Variants in KLHL29 observed in about 807,000 individuals in gnomAD.
The protein encoded by KLHL29 is kelch-like protein 29.
In KLHL29, 21 loss-of-function variants were observed where a neutral mutation model predicts 80.4. The observed-to-expected ratio is 0.26, with a 90% confidence interval of 0.19 to 0.38. The LOEUF (loss-of-function observed/expected upper bound fraction) is 0.38, where lower values mean the gene tolerates loss of function less well. KLHL29 is among the 10% of genes least tolerant of loss of function. KLHL29 has a pLI of 1.00. For missense variants in KLHL29, 867 were observed against 1,223.9 expected (o/e 0.71, Z 4.35); for synonymous variants, 511 against 526.8 (o/e 0.97, Z 0.41).
intron 1 of KLHL29, among the ~76,000 whole-genome samples, chr2:23,455,046 A>G (rs556823951): frequency 1.1e-4 from 17 of 152,200 alleles, no homozygotes; most frequent in Admixed American, 3.3e-4. Flanking sequence ...CCTCTGTGCA[A>G]TCAGTTTGTC....
intron 1 of KLHL29, among the ~76,000 whole-genome samples, chr2:23,412,627 A>G (rs1416138787): frequency 1.3e-5 from 2 of 152,196 alleles, no homozygotes; most frequent in Admixed American, 6.5e-5. Flanking sequence ...TGTGAGAACC[A>G]GAGGGAGTGG....
rs80325199 is a variant in KLHL29 at position 23,409,047 on chromosome 2, G to A, written c.-154+23267G>A. 2.9e-3 allele frequency among the ~76,000 whole-genome samples: 435 copies of A among 152,208 alleles called. 5 individuals are homozygous for A. Among genetic ancestry groups the A allele is most frequent in the Non-Finnish European group, 4.6e-3 (311 of 67,996 alleles). On this transcript the variant is annotated intron_variant, in intron 1 of 13. Coordinates refer to ENST00000486442, the MANE Select transcript of KLHL29 (RefSeq NM_052920.2). ...ATTTGGGAGCTAGTTCTGGACACAC[G>A]TTCCCAGACTGATTGGGTAGAGCCT...
chr2:23,520,351 G>A (rs1416897156), intron 2 of KLHL29, among the ~76,000 whole-genome samples: 1 of 152,168 alleles, frequency 6.6e-6, no homozygotes, highest in Non-Finnish European at 1.5e-5. Context: ...TGCACCCAGG[G>A]AGGGCTGGAG....
chr2:23,592,308 GC>G (rs35236653), intron 3 of KLHL29, among the ~76,000 whole-genome samples: 11,436 of 152,296 alleles, frequency 0.075, 611 homozygotes, highest in Non-Finnish European at 0.11. Context: ...CCCATCCTGA[GC>G]CCCTGGTTGC....
At chr2:23,637,523 A>G (rs1669647782) in intron 3 of KLHL29, among the ~76,000 whole-genome samples, 1 of 152,156 alleles carries the variant, frequency 6.6e-6, no homozygotes, top group African/African-American at 2.4e-5. Flanking sequence ...TCTGTTCACA[A>G]AAGCAAAGCA....
In KLHL29 at chr2:23,562,583, C is replaced by T; in HGVS notation, c.285+102C>T. 8.3e-7 allele frequency: 1 copy of T among 1,205,550 alleles called. No homozygotes were observed. The allele number at this position is 1,205,550 out of a possible 1,614,324, so 74.7% of individuals were successfully genotyped here. Reference sequence around the variant, plus strand: ...AGGCTCCTGTGGGGCAGCCTGTGCTCCACGCCCCGAGTCCTCCAGAGTCTT... The same window carrying T: ...AGGCTCCTGTGGGGCAGCCTGTGCTTCACGCCCCGAGTCCTCCAGAGTCTT... On this transcript the variant is annotated intron_variant, in intron 3 of 13. Transcript: ENST00000486442. The surrounding 1 kb of genome is among the most constrained non-coding windows in gnomAD (Gnocchi z 4.5).
At position 23,684,461 on chromosome 2, in the gene KLHL29, G is replaced by A. The variant is rs778853987; in HGVS notation, c.1003G>A (p.Val335Ile). The change falls in exon 6 of 14, where the codon GTT becomes ATT. Residue 335 changes from valine to isoleucine, a missense_variant. This residue lies in a region of KLHL29 where 443 missense variants were observed against 767.0 expected (regional missense o/e 0.58). Coordinates refer to ENST00000486442, the MANE Select transcript of KLHL29 (RefSeq NM_052920.2). The surrounding 1 kb of genome is among the most constrained non-coding windows in gnomAD (Gnocchi z 4.4). ...AGCGTTTACAGACCTGAAAATTGTT[G>A]TTGAAGGCAGAGAGTTTGAAGTCCA... ...AKAFTDLKIVVEGREFEVHQN... is the reference protein window; with the variant it reads ...AKAFTDLKIVIEGREFEVHQN... The A allele has an allele frequency of 3.9e-6, 6 of 1,550,894 alleles. No homozygotes were observed. The South Asian group carries it at 7.2e-5, about 18-fold the overall frequency.
intron 3 of KLHL29, among the ~76,000 whole-genome samples, chr2:23,633,792 T>TGTGTGTGTGTGTGTGTGTGTG (rs1190935622): frequency 4.6e-5 from 7 of 151,792 alleles, no homozygotes; most frequent in South Asian, 2.1e-4. Context: ...TGTGTGTGTG[T>TGTGTGTGTGTGTGTGTGTGTG]TTAATTTGAC....
chr2:23,563,845 C>T (rs993458342), intron 3 of KLHL29, among the ~76,000 whole-genome samples: 2 of 152,188 alleles, frequency 1.3e-5, no homozygotes, highest in African/African-American at 2.4e-5. Context: ...CCCACTGAGG[C>T]GGGGAGGGAA....
intron 3 of KLHL29, among the ~76,000 whole-genome samples, chr2:23,636,996 G>A (rs986100736): frequency 5.9e-5 from 9 of 152,114 alleles, no homozygotes; most frequent in African/African-American, 1.4e-4. Context: ...GTCGGAAGAG[G>A]CTGAAAACCT....
At chr2:23,549,144 G>C (rs1016011343) in intron 2 of KLHL29, among the ~76,000 whole-genome samples, 1 of 152,224 alleles carries the variant, frequency 6.6e-6, no homozygotes, top group African/African-American at 2.4e-5. Context: ...CTCTGAGTCA[G>C]GCAAAGGACA....
At chr2:23,498,834 G>T (rs1019824991) in intron 2 of KLHL29, among the ~76,000 whole-genome samples, 1 of 152,212 alleles carries the variant, frequency 6.6e-6, no homozygotes, top group African/African-American at 2.4e-5. Context: ...AAGATTCAAG[G>T]CAGAACCTGG....
intron 3 of KLHL29, among the ~76,000 whole-genome samples, chr2:23,565,992 C>T (rs574865771): frequency 2.0e-4 from 31 of 152,352 alleles, no homozygotes; most frequent in Middle Eastern, 3.4e-3. Flanking sequence ...GGTCACCTTC[C>T]CAGGCAGGGG....
chr2:23,689,531 C>T (rs2551347), intron 6 of KLHL29: 104,005 of 152,320 alleles, frequency 0.68, 37,364 homozygotes, highest in East Asian at 0.94. Flanking sequence ...TGCATGTGCT[C>T]GCACATCCTG....
intron 3 of KLHL29, among the ~76,000 whole-genome samples, chr2:23,603,318 A>G (rs1430445546): frequency 6.6e-6 from 1 of 152,164 alleles, no homozygotes; most frequent in East Asian, 1.9e-4. Context: ...TCCCACCTCC[A>G]ACCAGCAGTC....
chr2:23,405,510 TC>T (rs1455079056), intron 1 of KLHL29, among the ~76,000 whole-genome samples: 2 of 152,232 alleles, frequency 1.3e-5, no homozygotes, highest in Non-Finnish European at 2.9e-5. Flanking sequence ...TTTCTCCTTT[TC>T]CATGGCCTAT....
intron 1 of KLHL29, among the ~76,000 whole-genome samples, chr2:23,468,282 G>A (rs979371123): frequency 6.6e-6 from 1 of 152,132 alleles, no homozygotes; most frequent in African/African-American, 2.4e-5. Context: ...CACTACACAG[G>A]CTGAGCCAGC....
chr2:23,491,395 T>C (rs182182782), intron 2 of KLHL29, among the ~76,000 whole-genome samples: 215 of 152,274 alleles, frequency 1.4e-3, no homozygotes, highest in African/African-American at 4.9e-3. Flanking sequence ...CCTGTAGTGA[T>C]GGCTTTCTCC....
chr2:23,643,312 G>C (rs1198047401), intron 5 of KLHL29: 5 of 305,578 alleles, frequency 1.6e-5, no homozygotes, highest in African/African-American at 8.6e-5. Context: ...GGCACTCTCT[G>C]TCGTGCCATC....
Sources: allele counts gnomAD v4.1 joint callset (sites outside exome capture counted in the v4.1 genomes callset), GRCh38; gene constraint gnomAD v4.1.1; regional missense constraint gnomAD v4.1.1; non-coding constraint Gnocchi (gnomAD v3.1); transcripts MANE v1.5; gene names NCBI Gene and HGNC (gene_info 2026-07-23, HGNC 2026-07-21).